CSGALNACT1: variants seen among roughly 807,000 people sequenced by gnomAD.
CSGALNACT1 encodes the protein chondroitin sulfate N-acetylgalactosaminyltransferase 1, also known as beta4GalNAcT-1.
CSGALNACT1 carries 52 observed loss-of-function variants against 51.0 expected under a neutral mutation model. The observed-to-expected ratio is 1.02, with a 90% CI of 0.82 to 1.29. The LOEUF is 1.29. Among genes scored for constraint, CSGALNACT1 ranks in the 50% most tolerant of loss-of-function variants. CSGALNACT1 has a pLI of 0.00. For synonymous variants in CSGALNACT1, 341 were observed against 254.4 expected (o/e 1.34, Z -3.24); for missense variants, 935 against 679.2 (o/e 1.38, Z -4.19).
chr8:19,745,511 G>T (rs1331554879), intron 1 of CSGALNACT1, among the ~76,000 whole-genome samples: 1 of 152,194 alleles, frequency 6.6e-6, no homozygotes, highest in Non-Finnish European at 1.5e-5. Context: ...GAAGATCATA[G>T]ATTTGAAGTA....
chr8:19,577,401 C>CAAAAAAAAAAAAAAAAAAAAAAAAAAA lies in CSGALNACT1; in HGVS notation c.-297+13758_-297+13759insTTTTTTTTTTTTTTTTTTTTTTTTTTT, dbSNP rs111734132. 2.4e-4 allele frequency among the ~76,000 whole-genome samples: 25 copies of CAAAAAAAAAAAAAAAAAAAAAAAAAAA among 104,224 alleles called. No homozygotes were observed. The South Asian group carries it at 2.5e-3, about 10-fold the overall frequency. 68.4% of individuals were successfully genotyped at this position (104,224 alleles called of 152,430 possible). A position where few individuals can be genotyped will look rare whatever the true frequency, so the allele number is the denominator to read the frequency against. On this transcript the variant is annotated intron_variant, in intron 3 of 9. Coordinates refer to ENST00000454498, the Ensembl canonical transcript of CSGALNACT1. ...ACAACGAAGCCCGACCCCACCTCTA[C>CAAAAAAAAAAAAAAAAAAAAAAAAAAA]AAAAAAAAAAAAAGCCTAGTATGGT... is the stretch of plus-strand genomic sequence containing the variant.
chr8:19,651,028 G>C (rs4279608), intron 1 of CSGALNACT1, among the ~76,000 whole-genome samples: 1 of 151,836 alleles, frequency 6.6e-6, no homozygotes, highest in African/African-American at 2.4e-5. Context: ...ATGGAGGTGC[G>C]GTCTTCAGAA....
chr8:19,449,510 T>C (rs1385856929), intron 5 of CSGALNACT1, among the ~76,000 whole-genome samples: 1 of 150,540 alleles, frequency 6.6e-6, no homozygotes, highest in Non-Finnish European at 1.5e-5. Flanking sequence ...ACTATAACAT[T>C]CCAGGCTCAT....
rs1281401924 is a variant in CSGALNACT1, at chr8:19,653,041, G to C, written c.-544+29432C>G. On this transcript the variant is annotated intron_variant, in intron 1 of 9. Coordinates refer to the CSGALNACT1 transcript ENST00000332246. ...GGAGGCATAAGCATACACTTGTAATGAAAACCATCAAAGTGAATTATGAAC... is the reference window on the plus strand; with the variant it reads ...GGAGGCATAAGCATACACTTGTAATCAAAACCATCAAAGTGAATTATGAAC... Among the ~76,000 whole-genome samples, 4 of 152,180 alleles carry C rather than the reference G, an allele frequency of 2.6e-5. No individual in the cohort carries two copies. In the South Asian group the frequency reaches 8.3e-4, roughly 32 times the overall value.
At chr8:19,690,477 G>C (rs2061242404) in intron 1 of CSGALNACT1, among the ~76,000 whole-genome samples, 1 of 152,136 alleles carries the variant, frequency 6.6e-6, no homozygotes, top group Non-Finnish European at 1.5e-5. Context: ...CTATTAAATA[G>C]TCAAAGAGCT....
chr8:19,712,005 C>A (rs1374646981), intron 1 of CSGALNACT1, among the ~76,000 whole-genome samples: 2 of 152,070 alleles, frequency 1.3e-5, no homozygotes, highest in African/African-American at 2.4e-5. Flanking sequence ...AGTGGTGAAG[C>A]CGGGGTTAGA....
At chr8:19,612,523 AAGG>A (rs1372770148) in intron 1 of CSGALNACT1, among the ~76,000 whole-genome samples, 1 of 152,046 alleles carries the variant, frequency 6.6e-6, no homozygotes, top group Non-Finnish European at 1.5e-5. Context: ...GCCCAAGAAA[AAGG>A]AGGAGGGTCC....
chr8:19,637,947 G>A lies in CSGALNACT1; in HGVS notation c.-543-36082C>T, dbSNP rs191236043. On this transcript the variant is annotated intron_variant, in intron 1 of 9. Transcript: ENST00000332246. ...AAACAGGTCCCTTCAAGGTCAGCTG[G>A]AGCAGATCTCAGGTCGAAAGTGCTG... 2.0e-5 allele frequency among the ~76,000 whole-genome samples: 3 copies of A among 152,018 alleles called. 1 individual carries two copies. Among genetic ancestry groups the A allele is most frequent in the Admixed American group, 2.0e-4 (3 of 15,252 alleles).
intron 7 of CSGALNACT1, among the ~76,000 whole-genome samples, chr8:19,419,976 A>T (rs901647773): frequency 6.6e-6 from 1 of 152,152 alleles, no homozygotes; most frequent in Non-Finnish European, 1.5e-5. Flanking sequence ...GATAGTAAAT[A>T]AGTCTCAAGA....
intron 3 of CSGALNACT1, among the ~76,000 whole-genome samples, chr8:19,577,623 G>C (rs752415006): frequency 1.3e-5 from 2 of 151,406 alleles, no homozygotes; most frequent in Non-Finnish European, 2.9e-5. Context: ...CAACCATCCT[G>C]TTGCATCTAG....
rs1461533709 is a variant in CSGALNACT1, at chr8:19,505,836, C to G, written c.-2G>C. ...CAGCCCCCGGCGAACCATCATCATT[C>G]AGGAATCAGCCATGCGTCCAGAACC... On this transcript the variant is annotated 5_prime_UTR_variant, in exon 4 of 10. An upstream open reading frame in the 5' UTR loses its in-frame stop. Transcript: ENST00000454498. 4 of 1,609,742 alleles carry G rather than the reference C, an allele frequency of 2.5e-6. No individual in the cohort carries two copies. Among genetic ancestry groups the G allele is most frequent in the Non-Finnish European group, 3.4e-6 (4 of 1,179,986 alleles).
At chr8:19,422,565 T>C (rs959930320) in intron 6 of CSGALNACT1, among the ~76,000 whole-genome samples, 2 of 152,258 alleles carry the variant, frequency 1.3e-5, no homozygotes, top group East Asian at 1.9e-4. Context: ...TTCAGAACTT[T>C]ATCTTGAGTC....
chr8:19,619,381 G>C (rs1449343093), intron 1 of CSGALNACT1, among the ~76,000 whole-genome samples: 2 of 152,032 alleles, frequency 1.3e-5, no homozygotes, highest in African/African-American at 4.8e-5. Context: ...CTATAGAGGA[G>C]GCTGGGAACC....
At chr8:19,580,150 T>G (rs1410810955) in intron 3 of CSGALNACT1, among the ~76,000 whole-genome samples, 1 of 152,320 alleles carries the variant, frequency 6.6e-6, no homozygotes, top group Admixed American at 6.5e-5. Flanking sequence ...GCAGTCTTAC[T>G]GGGATGAGGA....
chr8:19,563,649 A>G (rs74625900), intron 3 of CSGALNACT1, among the ~76,000 whole-genome samples: 3,462 of 152,070 alleles, frequency 0.023, 146 homozygotes, highest in African/African-American at 0.079. Context: ...TTACTCATTC[A>G]CAAACTACAT....
intron 4 of CSGALNACT1, among the ~76,000 whole-genome samples, chr8:19,464,452 A>T (rs2066226224): frequency 6.6e-6 from 1 of 152,132 alleles, no homozygotes; most frequent in South Asian, 2.1e-4. Context: ...CTACTGTACT[A>T]GTTTCAAGTC....
chr8:19,470,014 GA>G (rs1188285809), intron 4 of CSGALNACT1, among the ~76,000 whole-genome samples: 32 of 152,188 alleles, frequency 2.1e-4, no homozygotes, highest in Non-Finnish European at 3.2e-4. Flanking sequence ...CGAGTTGACA[GA>G]ATGTTTTTTA....
chr8:19,682,718 C>T (rs1003551432), upstream of CSGALNACT1: 22 of 454,124 alleles, frequency 4.8e-5, no homozygotes, highest in Admixed American at 4.7e-4. Context: ...CGGGGCCACA[C>T]CAATGCACAG....
intron 3 of CSGALNACT1, among the ~76,000 whole-genome samples, chr8:19,559,687 AG>A (rs2040270013): frequency 6.6e-6 from 1 of 152,240 alleles, no homozygotes; most frequent in African/African-American, 2.4e-5. Flanking sequence ...TCCAAAAAAA[AG>A]ATACCATCTG....
Sources: gnomAD v4.1 joint callset for allele counts (sites outside exome capture counted in the v4.1 genomes callset) on GRCh38, gnomAD v4.1.1 for gene constraint, MANE v1.5 for transcripts, NCBI Gene and HGNC (gene_info 2026-07-23, HGNC 2026-07-21) for gene names.